Variants in HMBOX1 observed in about 807,000 individuals in gnomAD.
HMBOX1 encodes homeobox containing 1.
HMBOX1 carries 14 observed loss-of-function variants against 54.5 expected under a neutral mutation model. The ratio of observed to expected loss-of-function variants is 0.26; its 90% confidence interval spans 0.17 to 0.40. HMBOX1 has a LOEUF of 0.40. HMBOX1 is among the 10% of genes least tolerant of loss of function. The pLI is 1.00. For synonymous variants in HMBOX1, 160 were observed against 181.0 expected (o/e 0.88, Z 0.93); for missense variants, 332 against 514.4 (o/e 0.65, Z 3.43).
At chr8:29,040,847 CTTTAA>C (rs1053077447) in intron 6 of HMBOX1, among the ~76,000 whole-genome samples, 6 of 152,132 alleles carry the variant, frequency 3.9e-5, no homozygotes, top group Non-Finnish European at 5.9e-5. Context: ...TAATTTTAAT[CTTTAA>C]TTAAATTTAA....
intron 6 of HMBOX1, among the ~76,000 whole-genome samples, chr8:29,031,226 A>G (rs1032222229): frequency 1.3e-5 from 2 of 152,184 alleles, no homozygotes; most frequent in African/African-American, 2.4e-5. Flanking sequence ...TCTGACCAAG[A>G]TGGTGGTTAT....
intron 3 of HMBOX1, among the ~76,000 whole-genome samples, chr8:28,979,329 T>G (rs1251954420): frequency 6.6e-6 from 1 of 152,234 alleles, no homozygotes; most frequent in Non-Finnish European, 1.5e-5. Flanking sequence ...GAGAATTTGT[T>G]GAGTCTAAGT....
intron 1 of HMBOX1, among the ~76,000 whole-genome samples, chr8:28,959,955 T>C (rs1002984267): frequency 6.6e-6 from 1 of 152,014 alleles, no homozygotes; most frequent in African/African-American, 2.4e-5. Context: ...CTTAGGGTTT[T>C]TTTCCCCCAA....
intron 1 of HMBOX1, among the ~76,000 whole-genome samples, chr8:28,941,764 A>G (rs776463332): frequency 2.0e-5 from 3 of 152,152 alleles, no homozygotes; most frequent in Non-Finnish European, 2.9e-5. Flanking sequence ...TTGCCAGAGT[A>G]TTGTTTTCTG....
rs546304456 is a variant in HMBOX1, at chr8:28,897,282, G to GT, written c.-58+6616dup. Among the ~76,000 whole-genome samples the GT allele has an allele frequency of 4.9e-3, 719 of 145,648 alleles. 2 individuals carry two copies. Among genetic ancestry groups the GT allele is most frequent in the African/African-American group, 0.012 (482 of 40,146 alleles). On this transcript the variant is annotated intron_variant, in intron 1 of 9. Transcript: ENST00000287701. ...ACAGGCGTAAGCCACTGGTCGGCTA[G>GT]TTTTTTTTTTTTAAATGAGGAATTA...
At chr8:28,975,259 A>G (rs1043335894) in intron 3 of HMBOX1, among the ~76,000 whole-genome samples, 1 of 152,246 alleles carries the variant, frequency 6.6e-6, no homozygotes. Flanking sequence ...AAGATTAGGA[A>G]CAACTATAAT....
intron 4 of HMBOX1, among the ~76,000 whole-genome samples, chr8:28,992,869 C>CAAAAAAA (rs34488854): frequency 1.7e-5 from 1 of 57,248 alleles, no homozygotes; most frequent in African/African-American, 7.6e-5. Flanking sequence ...GACTCTGTCT[C>CAAAAAAA]AAAAAAAAAA....
intron 1 of HMBOX1, among the ~76,000 whole-genome samples, chr8:28,906,754 T>C (rs1436714012): frequency 6.6e-6 from 1 of 152,064 alleles, no homozygotes; most frequent in Non-Finnish European, 1.5e-5. Flanking sequence ...CACACCCAGC[T>C]AATTTTTTGT....
intron 6 of HMBOX1, among the ~76,000 whole-genome samples, chr8:29,044,702 T>C (rs1420148866): frequency 6.6e-6 from 1 of 152,172 alleles, no homozygotes; most frequent in Non-Finnish European, 1.5e-5. Context: ...AATACCAATA[T>C]TGAAAATAAT....
At chr8:29,014,321 T>C (rs1044470165) in intron 5 of HMBOX1, among the ~76,000 whole-genome samples, 4 of 152,190 alleles carry the variant, frequency 2.6e-5, no homozygotes, top group Non-Finnish European at 4.4e-5. Context: ...TGTTAGGACC[T>C]TAGCCAACCC....
At chr8:28,921,001 A>G (rs1817464151) in intron 1 of HMBOX1, among the ~76,000 whole-genome samples, 1 of 152,260 alleles carries the variant, frequency 6.6e-6, no homozygotes, top group South Asian at 2.1e-4. Context: ...TATGATATAA[A>G]TAAATCTTTA....
At chr8:28,979,584 T>C (rs1829009256) in intron 3 of HMBOX1, among the ~76,000 whole-genome samples, 1 of 152,234 alleles carries the variant, frequency 6.6e-6, no homozygotes, top group South Asian at 2.1e-4. Context: ...AGAATGATGA[T>C]TGCTTTTTCC....
At chr8:29,028,718 A>G (rs1353140717) in intron 6 of HMBOX1, among the ~76,000 whole-genome samples, 1 of 152,198 alleles carries the variant, frequency 6.6e-6, no homozygotes, top group Non-Finnish European at 1.5e-5. Flanking sequence ...CTGACTCTGA[A>G]CTATGCTGAG....
At chr8:28,915,286 C>G (rs562010189) in intron 1 of HMBOX1, among the ~76,000 whole-genome samples, 3 of 151,880 alleles carry the variant, frequency 2.0e-5, no homozygotes, top group Non-Finnish European at 2.9e-5. Context: ...GACTGGGCGC[C>G]GTGGCTCACG....
chr8:28,892,196 A>AAG (rs1485839451), intron 1 of HMBOX1, among the ~76,000 whole-genome samples: 18 of 152,374 alleles, frequency 1.2e-4, no homozygotes, highest in Non-Finnish European at 2.4e-4. Context: ...TTATCACATC[A>AAG]GGATTGCAGT....
chr8:28,967,003 C>A (rs1287383169), intron 2 of HMBOX1, among the ~76,000 whole-genome samples: 1 of 152,208 alleles, frequency 6.6e-6, no homozygotes, highest in East Asian at 1.9e-4. Flanking sequence ...TGCTGCAGAG[C>A]TTTCTCCATC....
chr8:28,930,243 C>A (rs1819254209), intron 1 of HMBOX1, among the ~76,000 whole-genome samples: 1 of 152,138 alleles, frequency 6.6e-6, no homozygotes, highest in South Asian at 2.1e-4. Context: ...CTCCTAGTAA[C>A]TGAGGTCTAA....
intron 3 of HMBOX1, among the ~76,000 whole-genome samples, chr8:28,975,356 T>G (rs1363512069): frequency 1.3e-5 from 2 of 152,190 alleles, no homozygotes; most frequent in Admixed American, 6.5e-5. Flanking sequence ...TTTTTTAGCT[T>G]TGAAGATCAG....
chr8:28,992,441 T>C (rs1831114046), intron 4 of HMBOX1, among the ~76,000 whole-genome samples: 1 of 152,212 alleles, frequency 6.6e-6, no homozygotes, highest in African/African-American at 2.4e-5. Flanking sequence ...AAAGCTAAGT[T>C]TCCTGAGGCT....
Sources: allele counts gnomAD v4.1 joint callset (sites outside exome capture counted in the v4.1 genomes callset), GRCh38; gene constraint gnomAD v4.1.1; transcripts MANE v1.5; gene names NCBI Gene and HGNC (gene_info 2026-07-23, HGNC 2026-07-21).